The following ZFP62 variants were observed in gnomAD, a reference collection of about 807,000 sequenced individuals.
ZFP62 encodes the protein ZFP62 zinc finger protein.
ZFP62 carries 44 observed loss-of-function variants against 56.4 expected under a neutral mutation model. That is an observed-to-expected ratio of 0.78 (90% confidence interval 0.61 to 1.00). The LOEUF (loss-of-function observed/expected upper bound fraction) is 1.00. ZFP62 is among the 50% of genes least tolerant of loss of function. ZFP62 has a pLI of 0.00. For missense variants in ZFP62, 1,030 were observed against 1,085.7 expected, an observed-to-expected ratio of 0.95 and a Z score of 0.72; for synonymous variants, 421 against 388.9, an observed-to-expected ratio of 1.08 and a Z score of -0.97.
chr5:180,846,311 C>T (rs902314101), downstream of ZFP62, among the ~76,000 whole-genome samples: 3 of 152,224 alleles, frequency 2.0e-5, no homozygotes, highest in African/African-American at 7.2e-5. Flanking sequence ...CTGTGGCCAT[C>T]CTCTCCTTTG....
rs549898023 is a variant in ZFP62, at chr5:180,847,939, T to C, written c.*853A>G. The C allele has an allele frequency of 5.1e-6, 5 of 985,344 alleles. No individual in the cohort carries two copies. Among genetic ancestry groups the C allele is most frequent in the Non-Finnish European group, 6.0e-6 (5 of 829,930 alleles). 61.0% of individuals were successfully genotyped at this position (985,344 alleles called of 1,614,324 possible). A position where few individuals can be genotyped will look rare whatever the true frequency, so the allele number is the denominator to read the frequency against. ...TTCTGTCATGTAAGGTGCGAATTCATGTTGACGGTGTGTTCCATTAGTTAC... is the reference window on the plus strand; with the variant it reads ...TTCTGTCATGTAAGGTGCGAATTCACGTTGACGGTGTGTTCCATTAGTTAC... On this transcript the variant is annotated 3_prime_UTR_variant, in exon 2 of 2. Transcript: ENST00000502412.
Position 180,849,328 on chromosome 5 carries a change from G to A in ZFP62, c.2167C>T (p.His723Tyr), listed in dbSNP as rs1424615785. The A allele has an allele frequency of 1.3e-6, 2 of 1,551,938 alleles. No homozygotes were observed. Among genetic ancestry groups the A allele is most frequent in the Non-Finnish European group, 1.7e-6 (2 of 1,147,108 alleles). The change falls in exon 2 of 2, where the codon CAT (histidine) becomes TAT (tyrosine). Residue 723 changes from histidine (H) to tyrosine (Y), a missense_variant. Transcript: ENST00000502412. Reference sequence around the variant, plus strand: ...CACTTGAAGGGTTTCTCCCCAAGATGGACTCTTTTATGGCTTATAAGAGTT... The same window carrying A: ...CACTTGAAGGGTTTCTCCCCAAGATAGACTCTTTTATGGCTTATAAGAGTT... ...SRTLISHKRV[H>Y]LGEKPFKCVE...
chr5:180,852,554 C>CA lies in ZFP62; in HGVS notation c.2-1062dup, dbSNP rs36030316. Reference sequence around the variant, plus strand: ...GGTGACAGAGCAAGACTCCGTCTCACAAAAAAAAAAAAAAAAAAAGATACA... The same window carrying CA: ...GGTGACAGAGCAAGACTCCGTCTCACAAAAAAAAAAAAAAAAAAAAGATACA... On this transcript the variant is annotated intron_variant, in intron 1 of 1. Transcript: ENST00000502412. Among the ~76,000 whole-genome samples, 480 of 109,424 alleles carry CA rather than the reference C, an allele frequency of 4.4e-3. 1 individual carries two copies. The highest frequency in any genetic ancestry group is 9.9e-3 in the African/African-American group (286 of 28,982). 71.8% of individuals were successfully genotyped at this position (109,424 alleles called of 152,430 possible).
At chr5:180,847,494 G>T, downstream of ZFP62, 2 of 712,362 alleles carry the variant, frequency 2.8e-6, no homozygotes, top group Non-Finnish European at 1.7e-6. Flanking sequence ...CAGCTGAGCT[G>T]CTAGCCCTGT....
rs1773683395 is a variant in ZFP62, at chr5:180,851,121, G to T, written c.374C>A (p.Thr125Asn). Residue 125 changes from threonine to asparagine, a missense_variant, in exon 2 of 2, where the codon ACC (threonine) becomes AAC (asparagine). Transcript: ENST00000502412. ...QGKRVENING[T>N]SYPSLQQKTN... ...TTTCTGCTGTAGACTAGGGTAGGAG[G>T]TTCCATTAATGTTCTCCACACGTTT... 1 of 1,551,704 alleles carries T rather than the reference G, an allele frequency of 6.4e-7. No individual in the cohort carries two copies. The highest frequency in any genetic ancestry group is 1.4e-5 in the African/African-American group (1 of 73,166).
At chr5:180,859,691 AT>A (rs1774204113) in intron 1 of ZFP62, among the ~76,000 whole-genome samples, 1 of 152,206 alleles carries the variant, frequency 6.6e-6, no homozygotes, top group South Asian at 2.1e-4. Flanking sequence ...GCTTGGAGTC[AT>A]TGACACAATT....
At chr5:180,838,570 G>A in the ZFP62 span, among the ~76,000 whole-genome samples, 2 of 152,338 alleles carry the variant, frequency 1.3e-5, no homozygotes, top group East Asian at 1.9e-4. Context: ...TGCTGATGAT[G>A]TAGGAGGTTC....
intron 1 of ZFP62, among the ~76,000 whole-genome samples, chr5:180,855,842 G>A (rs1453090766): frequency 2.0e-5 from 3 of 151,968 alleles, no homozygotes; most frequent in Non-Finnish European, 4.4e-5. Flanking sequence ...TCTTATCCCT[G>A]CCCAATTCTT....
chr5:180,850,288 T>A lies in ZFP62; in HGVS notation c.1207A>T (p.Ser403Cys). Residue 403 changes from serine (S) to cysteine (C), a missense_variant, in exon 2 of 2, where the codon AGC becomes TGC. Coordinates refer to ENST00000502412, the MANE Select transcript of ZFP62 (RefSeq NM_001172638.2). ...YKCDVCGKAF[S>C]YSSGLAVHKS... Reference sequence around the variant, plus strand: ...TGGACTGCGAGGCCTGAGCTATAGCTGAATGCTTTGCCACAGACATCACAC... The same window carrying A: ...TGGACTGCGAGGCCTGAGCTATAGCAGAATGCTTTGCCACAGACATCACAC... 6.4e-7 allele frequency: 1 copy of A among 1,560,506 alleles called. No individual in the cohort carries two copies. The highest frequency in any genetic ancestry group is 8.7e-7 in the Non-Finnish European group (1 of 1,152,304).
intron 1 of ZFP62, among the ~76,000 whole-genome samples, chr5:180,856,703 C>A (rs915524597): frequency 6.6e-6 from 1 of 152,094 alleles, no homozygotes; most frequent in African/African-American, 2.4e-5. Flanking sequence ...GCCTGTAATC[C>A]CAGCACTTTG....
At chr5:180,842,137 T>C in the ZFP62 span, among the ~76,000 whole-genome samples, 7 of 152,072 alleles carry the variant, frequency 4.6e-5, no homozygotes, top group Admixed American at 2.0e-4. Flanking sequence ...CCAGATTACA[T>C]AGCTAAAGAG....
chr5:180,831,484 T>G, the ZFP62 span: 6 of 151,136 alleles, frequency 4.0e-5, no homozygotes, highest in African/African-American at 1.5e-4. Flanking sequence ...CCGTCTCGGC[T>G]CCCTGCAGCC....
At chr5:180,832,765 C>T in the ZFP62 span, 1 of 152,186 alleles carries the variant, frequency 6.6e-6, no homozygotes, top group Non-Finnish European at 1.5e-5. Context: ...TCTGCATCAC[C>T]CAGGAACTTG....
In ZFP62 at chr5:180,848,792, C is replaced by G; in HGVS notation, c.2703G>C (p.Ter901TyrextTer28). ...LDGGRMRMPL* is the reference protein window; with the variant it reads ...LDGGRMRMPLY ...GGAGAGACTTGGTAAGCTCTGCCTGCTACAGAGGCATCCTCATCCTGCCCC... is the reference window on the plus strand; with the variant it reads ...GGAGAGACTTGGTAAGCTCTGCCTGGTACAGAGGCATCCTCATCCTGCCCC... Residue 901 changes from the stop codon to tyrosine, a stop_lost, in exon 2 of 2, where the codon TAG (stop) becomes TAC (tyrosine). Transcript: ENST00000502412. The G allele has an allele frequency of 6.6e-7, 1 of 1,521,686 alleles. No homozygotes were observed. Among genetic ancestry groups the G allele is most frequent in the Non-Finnish European group, 8.9e-7 (1 of 1,129,204 alleles). The allele number at this position is 1,521,686 out of a possible 1,614,324, so 94.3% of individuals were successfully genotyped here.
At position 180,848,149 on chromosome 5, in the gene ZFP62, A is replaced by G. The variant is rs142318722; in HGVS notation, c.*643T>C. 5.1e-3 allele frequency: 5,072 copies of G among 985,404 alleles called. 22 individuals are homozygous for G. Among genetic ancestry groups the G allele is most frequent in the Non-Finnish European group, 5.8e-3 (4,795 of 829,926 alleles). The allele number at this position is 985,404 out of a possible 1,614,324, so 61.0% of individuals were successfully genotyped here. A position where few individuals can be genotyped will look rare whatever the true frequency, so the allele number is the denominator to read the frequency against. Reference sequence around the variant, plus strand: ...GTACGTTCATCAATTTGCATTTTTTATGAGTGACTCTCTCCTATCTCCTGT... The same window carrying G: ...GTACGTTCATCAATTTGCATTTTTTGTGAGTGACTCTCTCCTATCTCCTGT... On this transcript the variant is annotated 3_prime_UTR_variant, in exon 2 of 2. Transcript: ENST00000502412.
intron 1 of ZFP62, among the ~76,000 whole-genome samples, chr5:180,856,580 A>G (rs1039809666): frequency 2.0e-5 from 3 of 152,182 alleles, no homozygotes; most frequent in African/African-American, 7.2e-5. Context: ...CTATCCAAAG[A>G]CATGGATATG....
At chr5:180,854,881 A>G (rs1408689293) in intron 1 of ZFP62, among the ~76,000 whole-genome samples, 4 of 152,250 alleles carry the variant, frequency 2.6e-5, no homozygotes, top group Non-Finnish European at 4.4e-5. Flanking sequence ...AGACTTGACC[A>G]CTATATTACA....
the ZFP62 span, among the ~76,000 whole-genome samples, chr5:180,833,075 T>G: frequency 5.9e-5 from 9 of 152,298 alleles, no homozygotes; most frequent in South Asian, 1.9e-3. Flanking sequence ...CCTGGTTCAT[T>G]CCGTTACGAA....
chr5:180,849,060 G>A lies in ZFP62; in HGVS notation c.2435C>T (p.Pro812Leu), dbSNP rs1773532959. Residue 812 changes from proline to leucine, a missense_variant, in exon 2 of 2, where the codon CCC (proline) becomes CTC (leucine). Coordinates refer to ENST00000502412, the MANE Select transcript of ZFP62 (RefSeq NM_001172638.2). The part of the protein sequence containing the change: ...NHKSVHQGKQ[P>L]YNCECGKSFN... ...GGATTTCCCACACTCACAATTATAGGGCTGCTTCCCCTGGTGGACACTTTT... is the reference window on the plus strand; with the variant it reads ...GGATTTCCCACACTCACAATTATAGAGCTGCTTCCCCTGGTGGACACTTTT... 1 of 1,551,866 alleles carries A rather than the reference G, an allele frequency of 6.4e-7. No individual in the cohort carries two copies. The highest frequency in any genetic ancestry group is 1.4e-5 in the African/African-American group (1 of 72,924).
Sources: allele counts gnomAD v4.1 joint callset (sites outside exome capture counted in the v4.1 genomes callset), GRCh38; gene constraint gnomAD v4.1.1; transcripts MANE v1.5; gene names NCBI Gene and HGNC (gene_info 2026-07-23, HGNC 2026-07-21).